WDR37: variants seen among roughly 807,000 people sequenced by gnomAD.
WDR37 encodes WD repeat-containing protein 37.
Under a neutral mutation model 62.9 loss-of-function variants are expected in WDR37, and 19 were observed. That is an observed-to-expected ratio of 0.30 (90% CI 0.21 to 0.44). WDR37 has a LOEUF of 0.44. Among genes scored for constraint, WDR37 ranks in the 20% least tolerant of loss-of-function variants. The pLI, the probability that WDR37 is intolerant of heterozygous loss-of-function variation, is 1.00. For missense variants in WDR37, 474 were observed against 657.6 expected, an observed-to-expected ratio of 0.72 and a Z score of 3.05; for synonymous variants, 250 against 260.9, an observed-to-expected ratio of 0.96 and a Z score of 0.40.
chr10:1,115,333 TC>T (rs1212544512), intron 11 of WDR37, among the ~76,000 whole-genome samples: 1 of 152,212 alleles, frequency 6.6e-6, no homozygotes, highest in African/African-American at 2.4e-5. Context: ...AAAACACACA[TC>T]TAACCAAACA....
At chr10:1,083,972 TC>T (rs1351955906) in intron 5 of WDR37, among the ~76,000 whole-genome samples, 1 of 152,336 alleles carries the variant, frequency 6.6e-6, no homozygotes, top group African/African-American at 2.4e-5. Flanking sequence ...TGTACAGCGA[TC>T]AGTGTCATTA....
intron 1 of WDR37, among the ~76,000 whole-genome samples, chr10:1,058,774 G>C (rs957481817): frequency 2.0e-5 from 3 of 152,140 alleles, no homozygotes; most frequent in African/African-American, 7.2e-5. Flanking sequence ...AGTTGAATTT[G>C]GTGTCTCAGC....
chr10:1,097,646 T>C (rs2131648219), intron 9 of WDR37, among the ~76,000 whole-genome samples: 1 of 152,320 alleles, frequency 6.6e-6, no homozygotes, highest in South Asian at 2.1e-4. Context: ...GTTGCCAGGC[T>C]GAGCCAAGGG....
intron 11 of WDR37, among the ~76,000 whole-genome samples, chr10:1,120,374 G>A (rs994040972): frequency 6.6e-6 from 1 of 152,224 alleles, no homozygotes; most frequent in Non-Finnish European, 1.5e-5. Context: ...CGCCGCCTCC[G>A]AGGGGCACCC....
At chr10:1,075,389 G>A (rs940157473) in intron 2 of WDR37, among the ~76,000 whole-genome samples, 13 of 151,110 alleles carry the variant, frequency 8.6e-5, no homozygotes, top group African/African-American at 2.4e-4. Flanking sequence ...CCATCAACCT[G>A]TCACCTACAT....
chr10:1,092,117 T>C (rs918167701), intron 7 of WDR37, among the ~76,000 whole-genome samples: 7 of 148,946 alleles, frequency 4.7e-5, no homozygotes, highest in African/African-American at 1.7e-4. Flanking sequence ...GAGGCGGAGC[T>C]TGCAGTGAGC....
chr10:1,098,402 A>T (rs1248109135), intron 9 of WDR37, among the ~76,000 whole-genome samples: 1 of 140,592 alleles, frequency 7.1e-6, no homozygotes, highest in Non-Finnish European at 1.5e-5. Context: ...ATCTTGGCTC[A>T]CTGCAACCTC....
chr10:1,086,812 G>T (rs757466966), intron 7 of WDR37, among the ~76,000 whole-genome samples: 1 of 102,910 alleles, frequency 9.7e-6, no homozygotes, highest in Non-Finnish European at 2.1e-5. Context: ...TGTCCATGTA[G>T]TTAGTTAACG....
At chr10:1,089,742 C>T (rs1487125629) in intron 7 of WDR37, among the ~76,000 whole-genome samples, 1 of 151,994 alleles carries the variant, frequency 6.6e-6, no homozygotes, top group Non-Finnish European at 1.5e-5. Flanking sequence ...TTCACTCACT[C>T]ACCGTCACCA....
intron 1 of WDR37, among the ~76,000 whole-genome samples, chr10:1,069,385 A>ATTTTTTTTTTTTT (rs1564496938): frequency 1.1e-4 from 3 of 28,470 alleles, no homozygotes; most frequent in Admixed American, 3.4e-4. Context: ...ATATATATAT[A>ATTTTTTTTTTTTT]TATATTTTTT....
intron 7 of WDR37, 48 bp from the exon 8 acceptor site, chr10:1,093,404 A>G: frequency 6.9e-7 from 1 of 1,454,574 alleles, no homozygotes; most frequent in Non-Finnish European, 9.5e-7. Flanking sequence ...TGTTGATAAC[A>G]TGTTTTTGTC....
chr10:1,125,946 A>G (rs1051431523), intron 13 of WDR37, among the ~76,000 whole-genome samples: 1 of 152,224 alleles, frequency 6.6e-6, no homozygotes, highest in African/African-American at 2.4e-5. Context: ...TCGAGACTCC[A>G]TGGCACCCGC....
chr10:1,114,006 T>G (rs112562208), intron 11 of WDR37, among the ~76,000 whole-genome samples: 12 of 132,122 alleles, frequency 9.1e-5, no homozygotes, highest in African/African-American at 3.0e-4. Context: ...GCCTAGGCTA[T>G]AGTGCAGTGG....
At chr10:1,071,334 C>T (rs1332755328) in intron 1 of WDR37, among the ~76,000 whole-genome samples, 1 of 151,814 alleles carries the variant, frequency 6.6e-6, no homozygotes, top group African/African-American at 2.4e-5. Context: ...TCAGTAATAG[C>T]AAAAAATCAG....
intron 13 of WDR37, among the ~76,000 whole-genome samples, chr10:1,126,371 A>C (rs369169067): frequency 1.7e-3 from 256 of 147,310 alleles, no homozygotes; most frequent in East Asian, 3.6e-3. Flanking sequence ...GCGCCACTGC[A>C]CTCCAGCCTG....
intron 13 of WDR37, among the ~76,000 whole-genome samples, chr10:1,127,452 T>A (rs1212429888): frequency 6.6e-6 from 1 of 150,712 alleles, no homozygotes; most frequent in African/African-American, 2.5e-5. Flanking sequence ...AGAACCCTGC[T>A]GGAAATCACT....
chr10:1,094,348 A>G (rs1346869362), intron 8 of WDR37, among the ~76,000 whole-genome samples: 1 of 152,204 alleles, frequency 6.6e-6, no homozygotes, highest in African/African-American at 2.4e-5. Flanking sequence ...GGAATAGAAC[A>G]CTGAGGTTGA....
At chr10:1,084,663 G>A in intron 6 of WDR37, 125 bp downstream of exon 6, 1 of 1,378,960 alleles carries the variant, frequency 7.3e-7, no homozygotes, top group South Asian at 1.3e-5. Flanking sequence ...GGAGTCAGTG[G>A]AACCCCCCAC....
chr10:1,080,129 C>T, intron 4 of WDR37, 23 bp downstream of exon 4: 2 of 1,612,020 alleles, frequency 1.2e-6, no homozygotes, highest in South Asian at 2.2e-5. Context: ...CCATGAAAGT[C>T]TTGTCCTGCA....
Sources: gnomAD v4.1 joint callset for allele counts (sites outside exome capture counted in the v4.1 genomes callset) on GRCh38, gnomAD v4.1.1 for gene constraint, MANE v1.5 for transcripts, NCBI Gene and HGNC (gene_info 2026-07-23, HGNC 2026-07-21) for gene names.